The following CSMD1 variants were observed in gnomAD, a reference collection of about 807,000 sequenced individuals.
The protein encoded by CSMD1 is CUB and sushi domain-containing protein 1.
Under a neutral mutation model 417.5 loss-of-function variants are expected in CSMD1, and 213 were observed. The observed-to-expected ratio is 0.51, with a 90% CI of 0.46 to 0.57. CSMD1 has a LOEUF of 0.57. Ranked by LOEUF, CSMD1 falls within the 20% of genes least tolerant of loss-of-function variation. The pLI is 0.00. For synonymous variants in CSMD1, 2,862 were observed against 1,736.8 expected (o/e 1.65, Z -16.11); for missense variants, 6,923 against 4,529.7 (o/e 1.53, Z -15.17).
At chr8:3,699,024 C>A (rs187810540) in intron 7 of CSMD1, among the ~76,000 whole-genome samples, 51 of 152,298 alleles carry the variant, frequency 3.3e-4, no homozygotes, top group Non-Finnish European at 1.0e-4. Flanking sequence ...ACCCACATCC[C>A]ACCTCAAGCT....
intron 5 of CSMD1, among the ~76,000 whole-genome samples, chr8:3,947,154 T>C (rs1039780665): frequency 2.0e-5 from 3 of 152,202 alleles, no homozygotes; most frequent in Non-Finnish European, 2.9e-5. Flanking sequence ...AAGAAATTAG[T>C]TATAAAATTT....
intron 5 of CSMD1, among the ~76,000 whole-genome samples, chr8:3,759,051 G>A (rs996097987): frequency 2.0e-5 from 3 of 152,184 alleles, no homozygotes; most frequent in African/African-American, 4.8e-5. Flanking sequence ...TCTCCAGAGA[G>A]CAACACAGCC....
intron 3 of CSMD1, among the ~76,000 whole-genome samples, chr8:4,343,635 G>A (rs1192047141): frequency 3.9e-5 from 6 of 152,116 alleles, no homozygotes; most frequent in African/African-American, 1.4e-4. Context: ...GTGCACTAGA[G>A]CATGTGGTCA....
rs533264388 is a variant in CSMD1 at position 4,164,786 on chromosome 8, G to A, written c.416-132687C>T. Among the ~76,000 whole-genome samples the A allele has an allele frequency of 5.3e-5, 8 of 151,946 alleles. No individual in the cohort carries two copies. In the East Asian group the frequency reaches 7.7e-4, roughly 15 times the overall value. On this transcript the variant is annotated intron_variant, in intron 3 of 69. Coordinates refer to ENST00000635120, the MANE Select transcript of CSMD1 (RefSeq NM_033225.6). ...AGCTACCTGGGAGGCGGAGGCAGGAGAATGGCGTGAAATCCAGAGGTGGAG... is the reference window on the plus strand; with the variant it reads ...AGCTACCTGGGAGGCGGAGGCAGGAAAATGGCGTGAAATCCAGAGGTGGAG...
intron 6 of CSMD1, among the ~76,000 whole-genome samples, chr8:3,711,541 C>T (rs1354577626): frequency 1.3e-5 from 2 of 152,204 alleles, no homozygotes; most frequent in African/African-American, 4.8e-5. Context: ...AACCACGGCA[C>T]CTGGCGTCTT....
rs576814713 is a variant in CSMD1, at chr8:4,111,473, T to C, written c.416-79374A>G. ...AATGGGAAAAGCACATGCACGAGTATGTTCATTGCAGCACTATCCACAATA... is the reference window on the plus strand; with the variant it reads ...AATGGGAAAAGCACATGCACGAGTACGTTCATTGCAGCACTATCCACAATA... On this transcript the variant is annotated intron_variant, in intron 3 of 69. Coordinates refer to ENST00000635120, the MANE Select transcript of CSMD1 (RefSeq NM_033225.6). Among the ~76,000 whole-genome samples, 4 of 152,316 alleles carry C rather than the reference T, an allele frequency of 2.6e-5. No individual in the cohort carries two copies. The East Asian group carries it at 5.8e-4, about 22-fold the overall frequency.
At chr8:3,761,178 C>G (rs2623735) in intron 5 of CSMD1, among the ~76,000 whole-genome samples, 149,237 of 152,244 alleles carry the variant, frequency 0.98, 73,191 homozygotes, top group East Asian at 1. Flanking sequence ...TTATTTTGGA[C>G]ATTAGGAAAA....
rs191226828 is a variant in CSMD1 at position 3,427,463 on chromosome 8, A to T, written c.1562-17858T>A. Among the ~76,000 whole-genome samples, 231 of 152,304 alleles carry T rather than the reference A, an allele frequency of 1.5e-3. 1 individual carries two copies. The highest frequency in any genetic ancestry group is 5.2e-3 in the African/African-American group (215 of 41,578). On this transcript the variant is annotated intron_variant, in intron 12 of 69. Coordinates refer to ENST00000635120, the MANE Select transcript of CSMD1 (RefSeq NM_033225.6). ...CACAATTCCTATATATATATTTTTG[A>T]AACCTTTAAAATGAAGATTTTCACA...
intron 5 of CSMD1, among the ~76,000 whole-genome samples, chr8:3,794,359 A>T (rs1481797666): frequency 6.6e-6 from 1 of 152,144 alleles, no homozygotes; most frequent in African/African-American, 2.4e-5. Flanking sequence ...TTGCTAAATA[A>T]AACACTTATA....
At chr8:4,618,197 A>G (rs976907388) in intron 2 of CSMD1, among the ~76,000 whole-genome samples, 3 of 151,984 alleles carry the variant, frequency 2.0e-5, no homozygotes, top group African/African-American at 7.2e-5. Flanking sequence ...GTGACCAACA[A>G]TTTCCCCCAT....
At chr8:3,246,414 C>T (rs774329035) in intron 26 of CSMD1, among the ~76,000 whole-genome samples, 1 of 152,186 alleles carries the variant, frequency 6.6e-6, no homozygotes, top group Non-Finnish European at 1.5e-5. Flanking sequence ...CAGTCACGCT[C>T]TCACATATTA....
chr8:3,805,222 G>C lies in CSMD1; in HGVS notation c.819-51180C>G, dbSNP rs575439774. ...ACAAGGGAAGGAGTCAGTTTCCTGC[G>C]GGACACCAGCATCACAAGGGAACCA... On this transcript the variant is annotated intron_variant, in intron 5 of 69. Transcript: ENST00000635120. Among the ~76,000 whole-genome samples, 4 of 152,162 alleles carry C rather than the reference G, an allele frequency of 2.6e-5. No individual in the cohort carries two copies. In the South Asian group the frequency reaches 8.3e-4, roughly 32 times the overall value.
intron 10 of CSMD1, among the ~76,000 whole-genome samples, chr8:3,505,955 A>G (rs984331776): frequency 6.6e-6 from 1 of 152,218 alleles, no homozygotes; most frequent in Non-Finnish European, 1.5e-5. Flanking sequence ...AAGTTATGTA[A>G]ACCAGAAAGG....
chr8:4,673,307 C>A (rs1389704217), intron 1 of CSMD1, among the ~76,000 whole-genome samples: 2 of 152,088 alleles, frequency 1.3e-5, no homozygotes, highest in Non-Finnish European at 2.9e-5. Flanking sequence ...GCATAAAATG[C>A]AAGACCCAAA....
intron 10 of CSMD1, among the ~76,000 whole-genome samples, chr8:3,511,186 C>T (rs895421687): frequency 6.6e-6 from 1 of 151,708 alleles, no homozygotes; most frequent in East Asian, 1.9e-4. Flanking sequence ...ACAATGAGGA[C>T]ACAAGGGCAC....
At chr8:3,417,059 G>A (rs17066077) in intron 12 of CSMD1, among the ~76,000 whole-genome samples, 8,965 of 152,204 alleles carry the variant, frequency 0.059, 326 homozygotes, top group East Asian at 0.16. Context: ...ATCACACCAC[G>A]TTCTGCTCCC....
intron 4 of CSMD1, among the ~76,000 whole-genome samples, chr8:4,001,723 G>T (rs1173844919): frequency 6.6e-6 from 1 of 152,118 alleles, no homozygotes; most frequent in Non-Finnish European, 1.5e-5. Context: ...TAGTTCACTG[G>T]GCCAGCATGA....
At chr8:3,336,786 G>C (rs972712804) in intron 23 of CSMD1, among the ~76,000 whole-genome samples, 2 of 152,124 alleles carry the variant, frequency 1.3e-5, no homozygotes, top group African/African-American at 2.4e-5. Flanking sequence ...GCTGGCCCTG[G>C]GCTGTGTGTG....
At position 4,212,751 on chromosome 8, in the gene CSMD1, C is replaced by CTTTTTTT. The variant is rs5889027; in HGVS notation, c.416-180659_416-180653dup. ...AAAAGTTTACAACAGCGGCCTTATT[C>CTTTTTTT]TTTTTTTTTTTTTTTTTTTTTTTTT... On this transcript the variant is annotated intron_variant, in intron 3 of 69. Coordinates refer to ENST00000635120, the MANE Select transcript of CSMD1 (RefSeq NM_033225.6). 6.1e-3 allele frequency among the ~76,000 whole-genome samples: 603 copies of CTTTTTTT among 99,170 alleles called. 49 individuals are homozygous for CTTTTTTT. Among genetic ancestry groups the CTTTTTTT allele is most frequent in the African/African-American group, 0.024 (563 of 23,420 alleles). The allele number at this position is 99,170 out of a possible 152,430, so 65.1% of individuals were successfully genotyped here. A position where few individuals can be genotyped will look rare whatever the true frequency, so the allele number is the denominator to read the frequency against.
Sources: allele counts gnomAD v4.1 joint callset (sites outside exome capture counted in the v4.1 genomes callset), GRCh38; gene constraint gnomAD v4.1.1; transcripts MANE v1.5; gene names NCBI Gene and HGNC (gene_info 2026-07-23, HGNC 2026-07-21).